ARIH1: variants seen among roughly 807,000 people sequenced by gnomAD.
ARIH1 encodes ariadne RBR E3 ubiquitin protein ligase 1, also known as E3 ubiquitin-protein ligase ARIH1.
In ARIH1, 8 loss-of-function variants were observed where a neutral mutation model predicts 85.0. The ratio of observed to expected loss-of-function variants is 0.09; its 90% CI spans 0.06 to 0.17. The LOEUF (loss-of-function observed/expected upper bound fraction) is 0.17, where lower values mean the gene tolerates loss of function less well. Ranked by LOEUF, ARIH1 falls within the 10% of genes least tolerant of loss-of-function variation. ARIH1 has a pLI of 1.00. For synonymous variants in ARIH1, 238 were observed against 253.6 expected (o/e 0.94, Z 0.59); for missense variants, 311 against 718.1 (o/e 0.43, Z 6.48).
At chr15:72,542,359 A>G (rs1432603365) in intron 2 of ARIH1, among the ~76,000 whole-genome samples, 2 of 152,174 alleles carry the variant, frequency 1.3e-5, no homozygotes, top group Non-Finnish European at 2.9e-5. Flanking sequence ...TGAAACAAAG[A>G]TTTACTCTTC....
intron 3 of ARIH1, among the ~76,000 whole-genome samples, chr15:72,554,150 G>T (rs897368894): frequency 1.3e-5 from 2 of 151,820 alleles, no homozygotes; most frequent in African/African-American, 4.8e-5. Context: ...TCATTTTTTG[G>T]CTGTTACGAA....
At chr15:72,530,698 C>T (rs549576440) in intron 2 of ARIH1, among the ~76,000 whole-genome samples, 1 of 152,282 alleles carries the variant, frequency 6.6e-6, no homozygotes, top group Middle Eastern at 3.4e-3. Flanking sequence ...AGGGAGCTGT[C>T]ATTCAGATTT....
chr15:72,522,073 T>C (rs1685559037), intron 2 of ARIH1, among the ~76,000 whole-genome samples: 1 of 152,208 alleles, frequency 6.6e-6, no homozygotes, highest in Admixed American at 6.5e-5. Flanking sequence ...GTTCTTGTTT[T>C]GTGGGTACAA....
chr15:72,558,425 C>G (rs1331834316), intron 5 of ARIH1, among the ~76,000 whole-genome samples: 1 of 152,172 alleles, frequency 6.6e-6, no homozygotes, highest in East Asian at 1.9e-4. Flanking sequence ...CCTCAGCCTC[C>G]TGAGTAGCTG....
In ARIH1 at chr15:72,475,394, C is replaced by G. The variant is rs115040755; in HGVS notation, c.375+380C>G. Among the ~76,000 whole-genome samples, 869 of 152,276 alleles carry G rather than the reference C, an allele frequency of 5.7e-3. 13 individuals carry two copies. The highest frequency in any genetic ancestry group is 0.02 in the African/African-American group (838 of 41,558). On this transcript the variant is annotated intron_variant, in intron 1 of 13. Coordinates refer to ENST00000379887, the MANE Select transcript of ARIH1 (RefSeq NM_005744.5). The stretch of plus-strand genomic sequence containing the variant: ...GAAGAGGAGTCAGGAAGAATTGGGC[C>G]CTGACGGGACTTACCCCGGCCGTAG...
chr15:72,527,907 A>G (rs2064037708), intron 2 of ARIH1, among the ~76,000 whole-genome samples: 1 of 152,186 alleles, frequency 6.6e-6, no homozygotes, highest in Admixed American at 6.5e-5. Context: ...AGTTCCTAAT[A>G]TATAGCCATT....
rs970001809 is a variant in ARIH1 at position 72,584,090 on chromosome 15, C to T, written c.*798C>T. 1 of 152,176 alleles carries T rather than the reference C, an allele frequency of 6.6e-6. No homozygotes were observed. Among genetic ancestry groups the T allele is most frequent in the African/African-American group, 2.4e-5 (1 of 41,426 alleles). 9.4% of individuals were successfully genotyped at this position (152,176 alleles called of 1,614,324 possible). On this transcript the variant is annotated 3_prime_UTR_variant, in exon 14 of 14. Transcript: ENST00000379887. Reference sequence around the variant, plus strand: ...GGGATAAAGGTGTGTCGGTTTAGCACCTCTGGAAGACCTATCTAGAGCTCT... The same window carrying T: ...GGGATAAAGGTGTGTCGGTTTAGCATCTCTGGAAGACCTATCTAGAGCTCT...
Position 72,598,295 on chromosome 15 carries a change from CAT to C in ARIH1, c.*15006_*15007del, listed in dbSNP as rs1324172990. 19 of 152,152 alleles carry C rather than the reference CAT, an allele frequency of 1.2e-4. No individual in the cohort carries two copies. The highest frequency in any genetic ancestry group is 2.9e-4 in the African/African-American group (12 of 41,420). The allele number at this position is 152,152 out of a possible 1,614,324, so 9.4% of individuals were successfully genotyped here. A position where few individuals can be genotyped will look rare whatever the true frequency, so the allele number is the denominator to read the frequency against. On this transcript the variant is annotated 3_prime_UTR_variant, in exon 14 of 14. Transcript: ENST00000379887. The stretch of plus-strand genomic sequence containing the variant: ...GTCCTTAGCTTTCTGATGAATTAAA[CAT>C]ATGTTTTATTTTCTAGCTCATCTGG...
intron 2 of ARIH1, among the ~76,000 whole-genome samples, chr15:72,532,647 A>G (rs751542709): frequency 6.6e-6 from 1 of 152,206 alleles, no homozygotes; most frequent in Non-Finnish European, 1.5e-5. Flanking sequence ...AAAACCATAC[A>G]TACACACACG....
intron 2 of ARIH1, among the ~76,000 whole-genome samples, chr15:72,527,387 T>C (rs1189706169): frequency 6.6e-6 from 1 of 152,208 alleles, no homozygotes; most frequent in Non-Finnish European, 1.5e-5. Flanking sequence ...GATTACCTCA[T>C]TGAACCTTCT....
intron 1 of ARIH1, among the ~76,000 whole-genome samples, chr15:72,499,191 G>C (rs185069543): frequency 8.6e-4 from 131 of 151,834 alleles, no homozygotes; most frequent in African/African-American, 3.1e-3. Context: ...GGTCAGGCTG[G>C]CCTCGAACTT....
At chr15:72,579,344 G>A (rs1024790666) in intron 11 of ARIH1, among the ~76,000 whole-genome samples, 20 of 152,024 alleles carry the variant, frequency 1.3e-4, no homozygotes, top group Middle Eastern at 6.8e-3. Flanking sequence ...ATTAATTCAA[G>A]AAACTTGATC....
At chr15:72,583,151 CTTTT>C (rs1183654874) in intron 13 of ARIH1, 53 bp from the exon 14 acceptor site, 4 of 1,393,726 alleles carry the variant, frequency 2.9e-6, no homozygotes, top group Non-Finnish European at 4.0e-6. Context: ...GTAAATGCCT[CTTTT>C]TTTATTATTA....
At chr15:72,504,878 CATTA>C (rs958486078) in intron 1 of ARIH1, among the ~76,000 whole-genome samples, 3 of 152,134 alleles carry the variant, frequency 2.0e-5, no homozygotes, top group Non-Finnish European at 4.4e-5. Flanking sequence ...ATTGACTAAG[CATTA>C]ATTATGTTGA....
intron 1 of ARIH1, among the ~76,000 whole-genome samples, chr15:72,486,483 T>G (rs2063837895): frequency 6.6e-6 from 1 of 152,268 alleles, no homozygotes; most frequent in Admixed American, 6.5e-5. Context: ...ACTGAGGGTC[T>G]TGGGACATGT....
chr15:72,563,195 C>T (rs977325205), intron 6 of ARIH1, among the ~76,000 whole-genome samples, 199 bp from the exon 7 acceptor site: 1 of 152,132 alleles, frequency 6.6e-6, no homozygotes, highest in Non-Finnish European at 1.5e-5. Flanking sequence ...GGACTACAGG[C>T]ACATACCACC....
chr15:72,500,912 T>A (rs1304047317), intron 1 of ARIH1, among the ~76,000 whole-genome samples: 4 of 152,162 alleles, frequency 2.6e-5, no homozygotes, highest in Non-Finnish European at 5.9e-5. Context: ...ATAAAATAAC[T>A]TAAAAGTGAT....
In ARIH1 at chr15:72,588,651, C is replaced by T. The variant is rs1020587997; in HGVS notation, c.*5359C>T. 3 of 152,144 alleles carry T rather than the reference C, an allele frequency of 2.0e-5. No homozygotes were observed. Among genetic ancestry groups the T allele is most frequent in the African/African-American group, 7.2e-5 (3 of 41,412 alleles). The allele number at this position is 152,144 out of a possible 1,614,324, so 9.4% of individuals were successfully genotyped here. On this transcript the variant is annotated 3_prime_UTR_variant, in exon 14 of 14. Transcript: ENST00000379887. ...GCTCAGAATAGGGCCTCACTGGAGGCCCTAGTTGAGTGGGTTTTGTGGAAT... is the reference window on the plus strand; with the variant it reads ...GCTCAGAATAGGGCCTCACTGGAGGTCCTAGTTGAGTGGGTTTTGTGGAAT...
intron 1 of ARIH1, among the ~76,000 whole-genome samples, chr15:72,489,184 G>A (rs754332071): frequency 6.8e-6 from 1 of 146,568 alleles, no homozygotes; most frequent in East Asian, 2.1e-4. Flanking sequence ...GTCAATCAAG[G>A]CTGTAGTAAG....
Sources: gnomAD v4.1 joint callset for allele counts (sites outside exome capture counted in the v4.1 genomes callset) on GRCh38, gnomAD v4.1.1 for gene constraint, MANE v1.5 for transcripts, NCBI Gene and HGNC (gene_info 2026-07-23, HGNC 2026-07-21) for gene names.